The following CACNA1D variants were observed in gnomAD, a reference collection of about 807,000 sequenced individuals.
The protein encoded by CACNA1D is voltage-dependent L-type calcium channel subunit alpha-1D.
CACNA1D carries 55 observed loss-of-function variants against 257.1 expected under a neutral mutation model. The ratio of observed to expected loss-of-function variants is 0.21; its 90% CI spans 0.17 to 0.27. CACNA1D has a LOEUF of 0.27. Ranked by LOEUF, CACNA1D falls within the 10% of genes least tolerant of loss-of-function variation. CACNA1D has a pLI of 1.00. For synonymous variants in CACNA1D, 980 were observed against 1,014.9 expected (o/e 0.97, Z 0.65); for missense variants, 1,876 against 2,784.0 (o/e 0.67, Z 7.34).
At chr3:53,729,392 G>A (rs375859291) in intron 15 of CACNA1D, among the ~76,000 whole-genome samples, 2 of 152,116 alleles carry the variant, frequency 1.3e-5, no homozygotes, top group African/African-American at 4.8e-5. Flanking sequence ...TGCACAGGGC[G>A]TATGGGACAG....
chr3:53,656,390 T>C (rs768113682), intron 4 of CACNA1D, among the ~76,000 whole-genome samples: 2 of 152,224 alleles, frequency 1.3e-5, no homozygotes, highest in Non-Finnish European at 2.9e-5. Context: ...TTAATTGATA[T>C]TGAGTCTTCC....
chr3:53,543,377 A>G (rs1271327427), intron 3 of CACNA1D, among the ~76,000 whole-genome samples: 2 of 152,172 alleles, frequency 1.3e-5, no homozygotes, highest in Non-Finnish European at 2.9e-5. Flanking sequence ...AAAGTGGGTA[A>G]AGGACTTCAG....
chr3:53,727,027 T>C (rs771279661), intron 15 of CACNA1D, 28 bp downstream of exon 15: 13 of 1,613,900 alleles, frequency 8.1e-6, no homozygotes, highest in Non-Finnish European at 1.0e-5. Context: ...CAGGCTTTGT[T>C]GTTGCCGTCG....
chr3:53,629,542 T>C (rs1202504058), intron 3 of CACNA1D, among the ~76,000 whole-genome samples: 1 of 152,186 alleles, frequency 6.6e-6, no homozygotes, highest in Non-Finnish European at 1.5e-5. Context: ...TCTGGGGAGC[T>C]CTAATCAGTC....
chr3:53,725,040 A>C (rs2094921626), intron 14 of CACNA1D, among the ~76,000 whole-genome samples: 1 of 150,006 alleles, frequency 6.7e-6, no homozygotes, highest in Non-Finnish European at 1.5e-5. Context: ...ATATGGCACA[A>C]AATTCTAATG....
chr3:53,612,651 G>T (rs78702872), intron 3 of CACNA1D, among the ~76,000 whole-genome samples: 1 of 152,168 alleles, frequency 6.6e-6, no homozygotes, highest in South Asian at 2.1e-4. Context: ...TCTTTGCCCT[G>T]CAGTGTCTAG....
At chr3:53,539,099 C>A (rs2092222297) in intron 3 of CACNA1D, among the ~76,000 whole-genome samples, 1 of 151,728 alleles carries the variant, frequency 6.6e-6, no homozygotes, top group Non-Finnish European at 1.5e-5. Flanking sequence ...ATCATGCTTC[C>A]TGAATTTTTT....
chr3:53,679,707 T>A (rs1417063936), intron 8 of CACNA1D: 1 of 152,240 alleles, frequency 6.6e-6, no homozygotes, highest in African/African-American at 2.4e-5. Context: ...AATGATTACT[T>A]GTAGCAAAGT....
chr3:53,700,022 G>C (rs1559535018), intron 8 of CACNA1D, among the ~76,000 whole-genome samples: 1 of 150,012 alleles, frequency 6.7e-6, no homozygotes, highest in Non-Finnish European at 1.5e-5. Flanking sequence ...AGAAGCTTAA[G>C]GACGTTCATT....
chr3:53,497,960 G>T (rs200190197), intron 2 of CACNA1D, among the ~76,000 whole-genome samples: 1 of 152,172 alleles, frequency 6.6e-6, no homozygotes, highest in African/African-American at 2.4e-5. Flanking sequence ...TTAATGCTAA[G>T]GTTGCTTCTA....
chr3:53,697,230 T>G (rs1459089381), intron 8 of CACNA1D, among the ~76,000 whole-genome samples: 2 of 152,248 alleles, frequency 1.3e-5, no homozygotes, highest in South Asian at 2.1e-4. Context: ...TGTCTAGTTT[T>G]GGGCACACTC....
intron 3 of CACNA1D, among the ~76,000 whole-genome samples, chr3:53,558,945 G>A (rs1420118890): frequency 6.6e-6 from 1 of 152,086 alleles, no homozygotes; most frequent in African/African-American, 2.4e-5. Flanking sequence ...ATTTCTTCAA[G>A]TATTTTTCCT....
chr3:53,738,527 T>G (rs578011644), intron 20 of CACNA1D, among the ~76,000 whole-genome samples: 2 of 152,182 alleles, frequency 1.3e-5, no homozygotes, highest in East Asian at 3.9e-4. Context: ...CAGCATTAGG[T>G]GACAAACTAG....
intron 8 of CACNA1D, among the ~76,000 whole-genome samples, chr3:53,686,564 T>C (rs1459927630): frequency 3.3e-5 from 5 of 151,962 alleles, no homozygotes; most frequent in Non-Finnish European, 7.4e-5. Flanking sequence ...ATTAATAGAA[T>C]GAAAGAGGAA....
At chr3:53,666,286 G>A in intron 6 of CACNA1D, 53 bp from the exon 7 acceptor site, 1 of 1,563,764 alleles carries the variant, frequency 6.4e-7, no homozygotes, top group Non-Finnish European at 8.8e-7. Flanking sequence ...CGCTGGCTTG[G>A]ATTTCCTGAT....
At chr3:53,762,743 A>T in intron 30 of CACNA1D, 2 of 384,834 alleles carry the variant, frequency 5.2e-6, no homozygotes, top group Non-Finnish European at 1.0e-5. Context: ...AAATCCAGAC[A>T]CAAATTTATT....
intron 5 of CACNA1D, among the ~76,000 whole-genome samples, chr3:53,663,878 A>C (rs1048363182): frequency 2.6e-5 from 4 of 151,250 alleles, no homozygotes; most frequent in Admixed American, 6.6e-5. Flanking sequence ...TGATTCCCCC[A>C]CCTCAGTCTC....
intron 7 of CACNA1D, among the ~76,000 whole-genome samples, chr3:53,672,509 G>C (rs1242165055): frequency 2.6e-5 from 4 of 152,160 alleles, no homozygotes; most frequent in Non-Finnish European, 5.9e-5. Flanking sequence ...AGAGTTTATA[G>C]AGTCAGATGG....
chr3:53,615,415 C>A (rs1212315580), intron 3 of CACNA1D, among the ~76,000 whole-genome samples: 1 of 152,202 alleles, frequency 6.6e-6, no homozygotes, highest in East Asian at 1.9e-4. Flanking sequence ...GCAATCACAA[C>A]AGACAGTAGA....
Sources: gnomAD v4.1 joint callset for allele counts (sites outside exome capture counted in the v4.1 genomes callset) on GRCh38, gnomAD v4.1.1 for gene constraint, MANE v1.5 for transcripts, NCBI Gene and HGNC (gene_info 2026-07-23, HGNC 2026-07-21) for gene names.